Variants in MRPS27 observed in about 807,000 individuals in gnomAD.
MRPS27 encodes the protein mitochondrial ribosomal protein S27, also known as small ribosomal subunit protein mS27.
A neutral mutation model predicts 48.9 loss-of-function variants in MRPS27; 43 were observed. The observed-to-expected ratio is 0.88, with a 90% CI of 0.69 to 1.13. The LOEUF (loss-of-function observed/expected upper bound fraction) is 1.13. Ranked by LOEUF, MRPS27 falls within the 50% of genes most tolerant of loss-of-function variation. The probability of loss-of-function intolerance (pLI) is 0.00; values close to 1 mark genes in which losing one functional copy is unlikely to be tolerated. For synonymous variants in MRPS27, 188 were observed against 171.9 expected (o/e 1.09, Z -0.73); for missense variants, 467 against 476.3 (o/e 0.98, Z 0.18).
At chr5:72,237,725 C>T (rs1276977075) in intron 5 of MRPS27, among the ~76,000 whole-genome samples, 1 of 152,054 alleles carries the variant, frequency 6.6e-6, no homozygotes, top group Admixed American at 6.6e-5. Context: ...GGCAAGAAAT[C>T]TAAGGCTTAG....
At chr5:72,244,077 T>C (rs982882792) in intron 4 of MRPS27, among the ~76,000 whole-genome samples, 1 of 152,124 alleles carries the variant, frequency 6.6e-6, no homozygotes, top group Admixed American at 6.5e-5. Context: ...TGGTTTATAA[T>C]GTATATTCTG....
intron 8 of MRPS27, among the ~76,000 whole-genome samples, chr5:72,226,746 C>T (rs1747911267): frequency 6.6e-6 from 1 of 151,666 alleles, no homozygotes; most frequent in Non-Finnish European, 1.5e-5. Context: ...TGAGTTTCGT[C>T]AGTTTTAAAA....
At chr5:72,307,730 T>G (rs1750312256) in intron 2 of MRPS27, among the ~76,000 whole-genome samples, 1 of 152,016 alleles carries the variant, frequency 6.6e-6, no homozygotes, top group Admixed American at 6.5e-5. Context: ...TTGGAGAGAC[T>G]AAGTGGGGGC....
chr5:72,298,364 A>G (rs529567555), intron 2 of MRPS27, among the ~76,000 whole-genome samples: 2 of 152,348 alleles, frequency 1.3e-5, no homozygotes, highest in East Asian at 3.9e-4. Flanking sequence ...GCTATTATTA[A>G]AAAGTCAAAA....
intron 1 of MRPS27, among the ~76,000 whole-genome samples, chr5:72,318,933 A>G (rs898301170): frequency 1.3e-5 from 2 of 152,234 alleles, no homozygotes; most frequent in African/African-American, 2.4e-5. Context: ...AGCGTTGTGC[A>G]TAACACTGCC....
At chr5:72,276,838 T>C (rs566058858) in intron 4 of MRPS27, among the ~76,000 whole-genome samples, 1 of 152,230 alleles carries the variant, frequency 6.6e-6, no homozygotes, top group Non-Finnish European at 1.5e-5. Flanking sequence ...GAGACCATCC[T>C]GGTTAACACA....
intron 9 of MRPS27, among the ~76,000 whole-genome samples, chr5:72,224,320 C>T (rs1747837558): frequency 6.6e-6 from 1 of 152,166 alleles, no homozygotes; most frequent in African/African-American, 2.4e-5. Flanking sequence ...GATCACATCA[C>T]TGCACTCCAG....
At chr5:72,292,323 T>C (rs1305143137) in intron 4 of MRPS27, among the ~76,000 whole-genome samples, 1 of 152,046 alleles carries the variant, frequency 6.6e-6, no homozygotes, top group African/African-American at 2.4e-5. Flanking sequence ...TCATTTTTTA[T>C]TTATAAATAG....
Position 72,232,495 on chromosome 5 carries a change from A to G in MRPS27, c.539T>C (p.Leu180Pro). 1 of 1,612,818 alleles carries G rather than the reference A, an allele frequency of 6.2e-7. No homozygotes were observed. The highest frequency in any genetic ancestry group is 8.5e-7 in the Non-Finnish European group (1 of 1,179,164). Residue 180 changes from leucine (L) to proline (P), a missense_variant, in exon 7 of 11, where the codon CTT (leucine) becomes CCT (proline). Coordinates refer to ENST00000261413, the MANE Select transcript of MRPS27 (RefSeq NM_015084.3). Reference protein sequence around the residue: ...QEAFEVPSTQLLSLYVLFHCL... With the variant: ...QEAFEVPSTQPLSLYVLFHCL... ...ATGAAATAAAACATAGAGGGAGAGA[A>G]GTTGGGTGGAAGGCACTTCAAAGGC...
At chr5:72,255,182 C>T (rs1187130059) in intron 4 of MRPS27, among the ~76,000 whole-genome samples, 1 of 151,396 alleles carries the variant, frequency 6.6e-6, no homozygotes, top group Non-Finnish European at 1.5e-5. Flanking sequence ...TCCTGAGTAA[C>T]TGGGATTACG....
intron 9 of MRPS27, among the ~76,000 whole-genome samples, chr5:72,225,762 CTT>C (rs1184891832): frequency 6.7e-6 from 1 of 149,040 alleles, no homozygotes; most frequent in East Asian, 2.0e-4. Context: ...TTTACCCTCT[CTT>C]GAGTTCCCAC....
At chr5:72,277,199 A>G (rs1749400430) in intron 4 of MRPS27, among the ~76,000 whole-genome samples, 1 of 152,206 alleles carries the variant, frequency 6.6e-6, no homozygotes, top group South Asian at 2.1e-4. Flanking sequence ...GCAATTATTA[A>G]AAAGTGAAAA....
At chr5:72,289,304 T>C (rs565905830) in intron 4 of MRPS27, among the ~76,000 whole-genome samples, 3 of 152,374 alleles carry the variant, frequency 2.0e-5, no homozygotes, top group South Asian at 2.1e-4. Context: ...CTGAGAGCTG[T>C]ATTCTGAGAA....
At chr5:72,306,147 G>A (rs542498427) in intron 2 of MRPS27, among the ~76,000 whole-genome samples, 34 of 152,270 alleles carry the variant, frequency 2.2e-4, no homozygotes, top group Middle Eastern at 6.8e-3. Flanking sequence ...TATTTTGAAA[G>A]CTAACTCATA....
At position 72,261,191 on chromosome 5, in the gene MRPS27, C is replaced by T. The variant is rs181524345; in HGVS notation, c.282-23063G>A. On this transcript the variant is annotated intron_variant, in intron 4 of 10. Coordinates refer to ENST00000261413, the MANE Select transcript of MRPS27 (RefSeq NM_015084.3). Reference sequence around the variant, plus strand: ...CACTACATTTAAATGGAACCTTTTACGTTCTCTTGAAAGTTGCTACATTGG... The same window carrying T: ...CACTACATTTAAATGGAACCTTTTATGTTCTCTTGAAAGTTGCTACATTGG... Among the ~76,000 whole-genome samples the T allele has an allele frequency of 6.9e-3, 1,050 of 152,250 alleles. 2 individuals are homozygous for T. The highest frequency in any genetic ancestry group is 0.017 in the Middle Eastern group (5 of 294).
intron 1 of MRPS27, among the ~76,000 whole-genome samples, chr5:72,319,022 A>G (rs1160003434): frequency 6.6e-6 from 1 of 152,200 alleles, no homozygotes; most frequent in African/African-American, 2.4e-5. Flanking sequence ...GAGGTTTCAC[A>G]TTGACGTTTA....
intron 4 of MRPS27, among the ~76,000 whole-genome samples, chr5:72,238,376 A>ATTT (rs1349020044): frequency 1.6e-4 from 24 of 152,340 alleles, no homozygotes; most frequent in Non-Finnish European, 3.1e-4. Flanking sequence ...CCTTACTTCA[A>ATTT]CAGTTCATTT....
chr5:72,311,301 A>T (rs1750435523), intron 2 of MRPS27, among the ~76,000 whole-genome samples: 1 of 152,200 alleles, frequency 6.6e-6, no homozygotes, highest in Admixed American at 6.5e-5. Context: ...AAACTCCCAA[A>T]TGATTAAAGA....
At chr5:72,232,299 C>T (rs965459181) in intron 7 of MRPS27, 144 bp downstream of exon 7, 30 of 513,912 alleles carry the variant, frequency 5.8e-5, no homozygotes, top group African/African-American at 5.4e-4. Flanking sequence ...TGTTAGAAAC[C>T]AGTAACCAAA....
Sources: gnomAD v4.1 joint callset for allele counts (sites outside exome capture counted in the v4.1 genomes callset) on GRCh38, gnomAD v4.1.1 for gene constraint, MANE v1.5 for transcripts, NCBI Gene and HGNC (gene_info 2026-07-23, HGNC 2026-07-21) for gene names.